Variants in SEPTIN3 observed in about 807,000 individuals in gnomAD.
SEPTIN3 encodes septin 3, also known as neuronal-specific septin-3.
In SEPTIN3, 15 loss-of-function variants were observed where a neutral mutation model predicts 45.1. That is an observed-to-expected ratio of 0.33 (90% CI 0.22 to 0.51). The LOEUF is 0.51. Among genes scored for constraint, SEPTIN3 ranks in the 20% least tolerant of loss-of-function variants. The pLI, the probability that SEPTIN3 is intolerant of heterozygous loss-of-function variation, is 0.97. For missense variants in SEPTIN3, 289 were observed against 457.2 expected, an observed-to-expected ratio of 0.63 and a Z score of 3.35; for synonymous variants, 148 against 164.8, an observed-to-expected ratio of 0.90 and a Z score of 0.78.
At chr22:41,988,051 T>C (rs1055534755) in intron 6 of SEPTIN3, among the ~76,000 whole-genome samples, 4 of 152,178 alleles carry the variant, frequency 2.6e-5, no homozygotes, top group African/African-American at 9.7e-5. Flanking sequence ...CAAAGAGGAC[T>C]TGGTGAATGT....
intron 11 of SEPTIN3, 145 bp from the exon 12 acceptor site, chr22:41,996,757 T>A: frequency 6.6e-7 from 1 of 1,519,698 alleles, no homozygotes; most frequent in Non-Finnish European, 8.8e-7. Flanking sequence ...TCTATGGGCA[T>A]GGGAGGTGGG....
intron 2 of SEPTIN3, among the ~76,000 whole-genome samples, chr22:41,973,503 CAAAAAAAAAA>C (rs144943770): frequency 8.2e-6 from 1 of 121,686 alleles, no homozygotes; most frequent in Admixed American, 8.4e-5. Context: ...ACTAAAAGTA[CAAAAAAAAAA>C]AAAAAAAAAA....
intron 2 of SEPTIN3, among the ~76,000 whole-genome samples, chr22:41,980,968 G>A (rs1569437356): frequency 6.6e-6 from 1 of 152,156 alleles, no homozygotes. Context: ...AGGGGACATC[G>A]AGGCTGGGAG....
chr22:41,986,563 G>A (rs1177069326), intron 4 of SEPTIN3, among the ~76,000 whole-genome samples: 10 of 151,908 alleles, frequency 6.6e-5, no homozygotes, highest in African/African-American at 2.2e-4. Context: ...GCAGTGGTGC[G>A]ATCTCGGCTC....
chr22:41,990,745 C>CAAAAA (rs71184855), intron 7 of SEPTIN3, among the ~76,000 whole-genome samples: 2 of 96,538 alleles, frequency 2.1e-5, no homozygotes, highest in Non-Finnish European at 3.9e-5. Context: ...CACTCTATCT[C>CAAAAA]AAAAAAAAAA....
chr22:41,973,456 G>A (rs1452160701), intron 2 of SEPTIN3, among the ~76,000 whole-genome samples: 8 of 148,088 alleles, frequency 5.4e-5, no homozygotes, highest in Admixed American at 2.0e-4. Context: ...TCAGGAGATC[G>A]AGACCATCCT....
intron 2 of SEPTIN3, among the ~76,000 whole-genome samples, chr22:41,973,626 TCA>T (rs2077982935): frequency 6.7e-6 from 1 of 150,254 alleles, no homozygotes; most frequent in Admixed American, 6.6e-5. Flanking sequence ...TGAGCCGAGA[TCA>T]TGCCACTGCA....
rs1166666508 is a variant in SEPTIN3 at position 41,977,207 on chromosome 22, C to T, written c.1504+4211C>T. 6 of 815,482 alleles carry T rather than the reference C, an allele frequency of 7.4e-6. No homozygotes were observed. In the East Asian group the frequency reaches 1.6e-4, roughly 22 times the overall value. 50.5% of individuals were successfully genotyped at this position (815,482 alleles called of 1,614,324 possible). ...GCGCGGTGACAGATGCGCGGACACA[C>T]GCACACACGGTGGCACCCACCTCGA... On this transcript the variant is annotated intron_variant, in intron 2 of 11. Transcript: ENST00000644076.
intron 3 of SEPTIN3, chr22:41,982,059 C>T: frequency 1.7e-6 from 1 of 571,960 alleles, no homozygotes; most frequent in South Asian, 2.1e-5. Context: ...CCCCCCATCA[C>T]CAGCTCGGTG....
chr22:41,997,272 T>C lies in SEPTIN3; in HGVS notation c.*305T>C. ...AGCTCCTTCTGCCCTTGTAAGCCCA[T>C]CCCAGCTACTTGTAACCATCTCTAA... On this transcript the variant is annotated 3_prime_UTR_variant, in exon 12 of 12. Transcript: ENST00000644076. 7.8e-6 allele frequency: 3 copies of C among 386,196 alleles called. No homozygotes were observed. The allele number at this position is 386,196 out of a possible 1,614,324, so 23.9% of individuals were successfully genotyped here.
rs927422517 is a variant in SEPTIN3 at position 41,972,199 on chromosome 22, G to A, written c.707G>A (p.Arg236Gln). The A allele has an allele frequency of 4.8e-5, 19 of 398,990 alleles. No individual in the cohort carries two copies. Among genetic ancestry groups the A allele is most frequent in the East Asian group, 3.2e-4 (9 of 28,086 alleles). 24.7% of individuals were successfully genotyped at this position (398,990 alleles called of 1,614,324 possible). Reference sequence around the variant, plus strand: ...GCTTCTCCAGGAAAAGGCAAGCCCCGGGCCAGGGGGATCCCCAGACCCCGG... The same window carrying A: ...GCTTCTCCAGGAAAAGGCAAGCCCCAGGCCAGGGGGATCCCCAGACCCCGG... ...TRASPGKGKP[R>Q]ARGIPRPRGR... is the part of the protein sequence containing the mutation. Residue 236 changes from arginine (R) to glutamine (Q), a missense_variant, in exon 2 of 12, where the codon CGG (arginine) becomes CAG (glutamine). Physicochemically the swap from Arg to Gln is conservative, Grantham distance 43. Transcript: ENST00000644076.
chr22:41,981,927 T>A, intron 3 of SEPTIN3, 91 bp downstream of exon 3: 2 of 1,127,648 alleles, frequency 1.8e-6, no homozygotes, highest in Non-Finnish European at 2.6e-6. Context: ...ACCCTGGCTC[T>A]TCTAAGATGA....
chr22:41,972,520 C>T lies in SEPTIN3; in HGVS notation c.1028C>T (p.Thr343Ile), dbSNP rs749052866. ...GTAMNLTTVGTTKPGMVMDLI... is the reference protein window; with the variant it reads ...GTAMNLTTVGITKPGMVMDLI... ...GCCATGAATCTGACTACAGTTGGGA[C>T]AACCAAGCCAGGGATGGTCATGGAT... The change falls in exon 2 of 12, where the codon ACA becomes ATA. Residue 343 changes from threonine to isoleucine, a missense_variant. Thr to Ile is a moderately conservative substitution (Grantham distance 89). Around this residue, in one of 3 missense-constraint regions of SEPTIN3, gnomAD observed 200 missense variants for 315.1 expected, o/e 0.63. Transcript: ENST00000644076. The T allele has an allele frequency of 4.0e-5, 16 of 398,984 alleles. No individual in the cohort carries two copies. The highest frequency in any genetic ancestry group is 2.6e-4 in the Admixed American group (6 of 22,710). 24.7% of individuals were successfully genotyped at this position (398,984 alleles called of 1,614,324 possible).
intron 8 of SEPTIN3, among the ~76,000 whole-genome samples, chr22:41,991,921 C>CA (rs1265975096): frequency 6.6e-6 from 1 of 151,790 alleles, no homozygotes; most frequent in African/African-American, 2.4e-5. Flanking sequence ...CAAGGTCTGG[C>CA]AAAAACAGTA....
chr22:41,987,793 G>T (rs757246392), intron 6 of SEPTIN3, 34 bp downstream of exon 6: 1 of 1,591,934 alleles, frequency 6.3e-7, no homozygotes, highest in Admixed American at 1.7e-5. Flanking sequence ...TGTCAGGCCT[G>T]GTCTGGTTTG....
chr22:41,970,513 T>C (rs1223459580), intron 1 of SEPTIN3, among the ~76,000 whole-genome samples: 1 of 152,132 alleles, frequency 6.6e-6, no homozygotes, highest in Non-Finnish European at 1.5e-5. Flanking sequence ...CGAGTGGCCG[T>C]TCCCACCTAC....
Position 41,994,627 on chromosome 22 carries a change from C to T in SEPTIN3, c.2418C>T (p.His806=), listed in dbSNP as rs773626694. 1 of 1,614,142 alleles carries T rather than the reference C, an allele frequency of 6.2e-7. No individual in the cohort carries two copies. Among genetic ancestry groups the T allele is most frequent in the Non-Finnish European group, 8.5e-7 (1 of 1,180,036 alleles). ...ALLRDFVIRT[H]LQDLKEVTHN... Reference sequence around the variant, plus strand: ...CTCACCCTGTGTCCTCTAGGACCCACCTCCAGGACCTCAAGGAAGTGACAC... The same window carrying T: ...CTCACCCTGTGTCCTCTAGGACCCATCTCCAGGACCTCAAGGAAGTGACAC... The change falls in exon 11 of 12, where the codon CAC becomes CAT. Residue 806 remains histidine, a synonymous_variant. Transcript: ENST00000644076. This position sits in a 1 kb window ranked among gnomAD's most constrained non-coding sequence, Gnocchi z 4.2.
intron 7 of SEPTIN3, among the ~76,000 whole-genome samples, chr22:41,990,572 C>T (rs1274561031): frequency 4.0e-5 from 6 of 148,324 alleles, no homozygotes; most frequent in Non-Finnish European, 7.5e-5. Flanking sequence ...GGTGAAACCC[C>T]GTCTCTACTA....
At chr22:41,982,476 C>T (rs2078137805) in intron 3 of SEPTIN3, among the ~76,000 whole-genome samples, 1 of 152,030 alleles carries the variant, frequency 6.6e-6, no homozygotes, top group African/African-American at 2.4e-5. Flanking sequence ...CCATTGCACT[C>T]CAGCCTGGGC....
Sources: allele counts gnomAD v4.1 joint callset (sites outside exome capture counted in the v4.1 genomes callset), GRCh38; gene constraint gnomAD v4.1.1; regional missense constraint gnomAD v4.1.1; non-coding constraint Gnocchi (gnomAD v3.1); transcripts MANE v1.5; gene names NCBI Gene and HGNC (gene_info 2026-07-23, HGNC 2026-07-21).